Variants in LTBP1 observed in about 807,000 individuals in gnomAD.
LTBP1 encodes latent-transforming growth factor beta-binding protein 1.
A neutral mutation model predicts 207.6 loss-of-function variants in LTBP1; 129 were observed. The ratio of observed to expected loss-of-function variants is 0.62; its 90% CI spans 0.54 to 0.72. LTBP1 has a LOEUF of 0.72. Among genes scored for constraint, LTBP1 ranks in the 30% least tolerant of loss-of-function variants. The pLI is 0.00. For synonymous variants in LTBP1, 963 were observed against 833.7 expected (o/e 1.16, Z -2.67); for missense variants, 2,281 against 2,217.2 (o/e 1.03, Z -0.58).
intron 2 of LTBP1, among the ~76,000 whole-genome samples, chr2:32,996,019 T>C (rs139026197): frequency 9.2e-5 from 14 of 152,324 alleles, no homozygotes; most frequent in Middle Eastern, 3.4e-3. Context: ...CCTATACATA[T>C]CGATATGTGT....
intron 7 of LTBP1, among the ~76,000 whole-genome samples, chr2:33,214,970 G>A (rs1444300948): frequency 6.6e-6 from 1 of 151,726 alleles, no homozygotes; most frequent in Non-Finnish European, 1.5e-5. Context: ...ATTTTGTCTC[G>A]TAGGGTCGTT....
intron 2 of LTBP1, among the ~76,000 whole-genome samples, chr2:32,973,509 C>T (rs1412415368): frequency 6.6e-6 from 1 of 151,900 alleles, no homozygotes; most frequent in Non-Finnish European, 1.5e-5. Flanking sequence ...ATGATATAGG[C>T]ATGCAATGCC....
intron 31 of LTBP1, among the ~76,000 whole-genome samples, chr2:33,387,099 C>G (rs1025745557): frequency 4.6e-5 from 7 of 152,214 alleles, no homozygotes; most frequent in South Asian, 2.1e-4. Context: ...CATGAGCCAC[C>G]ATGCCCGGCC....
chr2:33,218,780 A>G (rs2090899361), intron 8 of LTBP1, among the ~76,000 whole-genome samples: 1 of 152,206 alleles, frequency 6.6e-6, no homozygotes, highest in African/African-American at 2.4e-5. Context: ...CAAGAGAGCA[A>G]GTGATATTTT....
chr2:33,346,530 A>G (rs908561425), intron 25 of LTBP1, among the ~76,000 whole-genome samples: 1 of 151,970 alleles, frequency 6.6e-6, no homozygotes, highest in Non-Finnish European at 1.5e-5. Flanking sequence ...CTAAAAATAC[A>G]AAAATTAGCC....
At chr2:33,031,446 A>C (rs1169102855) in intron 3 of LTBP1, among the ~76,000 whole-genome samples, 1 of 152,144 alleles carries the variant, frequency 6.6e-6, no homozygotes, top group African/African-American at 2.4e-5. Context: ...CCACATACCA[A>C]CTACTGTTCT....
At chr2:33,345,113 G>A (rs540139862) in intron 25 of LTBP1, among the ~76,000 whole-genome samples, 12 of 152,338 alleles carry the variant, frequency 7.9e-5, no homozygotes, top group Non-Finnish European at 1.6e-4. Context: ...CACACTGGGT[G>A]TTCTGTAGAG....
intron 3 of LTBP1, 48 bp from the exon 4 acceptor site, chr2:33,110,534 T>G: frequency 6.4e-7 from 1 of 1,551,102 alleles, no homozygotes. Flanking sequence ...TAGCTGACTT[T>G]TAAAAGCCCA....
At chr2:33,259,700 TA>T in intron 13 of LTBP1, 90 bp downstream of exon 13, 3 of 1,213,446 alleles carry the variant, frequency 2.5e-6, no homozygotes, top group Non-Finnish European at 3.5e-6. Flanking sequence ...GACTTAAATA[TA>T]GTAACATCTC....
chr2:33,167,147 T>A (rs2084991431), intron 5 of LTBP1, among the ~76,000 whole-genome samples: 1 of 152,086 alleles, frequency 6.6e-6, no homozygotes, highest in South Asian at 2.1e-4. Context: ...GATTAAAAAG[T>A]GAGTGCCAAA....
chr2:33,290,615 A>G (rs2093755482), intron 19 of LTBP1, among the ~76,000 whole-genome samples: 1 of 152,246 alleles, frequency 6.6e-6, no homozygotes, highest in Admixed American at 6.5e-5. Flanking sequence ...GTGAGAAAGA[A>G]TGAAAGTAGG....
intron 14 of LTBP1, among the ~76,000 whole-genome samples, 171 bp from the exon 15 acceptor site, chr2:33,263,123 A>G (rs2093066074): frequency 6.6e-6 from 1 of 152,128 alleles, no homozygotes; most frequent in African/African-American, 2.4e-5. Context: ...CATCACTCTC[A>G]GATATTCTTG....
chr2:33,155,956 C>T (rs773185711), intron 5 of LTBP1, among the ~76,000 whole-genome samples: 1 of 152,138 alleles, frequency 6.6e-6, no homozygotes, highest in Non-Finnish European at 1.5e-5. Flanking sequence ...CAAGGGAAAC[C>T]AGAGTAAGCC....
At chr2:33,020,865 C>T (rs1558523235) in intron 2 of LTBP1, 44 bp from the exon 3 acceptor site, 4 of 1,515,112 alleles carry the variant, frequency 2.6e-6, no homozygotes, top group Non-Finnish European at 3.5e-6. Flanking sequence ...AGGAAGTCTA[C>T]AATGTTGTTC....
chr2:33,295,214 A>G (rs913763362), intron 20 of LTBP1, among the ~76,000 whole-genome samples: 1 of 152,052 alleles, frequency 6.6e-6, no homozygotes, highest in African/African-American at 2.4e-5. Flanking sequence ...TGTTTAATCA[A>G]TGTATACGAA....
intron 5 of LTBP1, among the ~76,000 whole-genome samples, chr2:33,185,453 C>G (rs1447187320): frequency 6.6e-6 from 1 of 152,140 alleles, no homozygotes; most frequent in Admixed American, 6.5e-5. Context: ...CGGAAGAAAG[C>G]TTTGACCAGA....
intron 22 of LTBP1, among the ~76,000 whole-genome samples, chr2:33,304,463 G>C (rs1573731996): frequency 6.6e-6 from 1 of 152,130 alleles, no homozygotes; most frequent in African/African-American, 2.4e-5. Flanking sequence ...CAAAGACCTT[G>C]TTTTCTTATT....
intron 2 of LTBP1, among the ~76,000 whole-genome samples, chr2:32,989,739 A>G (rs1396410509): frequency 1.3e-5 from 2 of 152,218 alleles, no homozygotes; most frequent in Admixed American, 6.5e-5. Context: ...TTGAAAGATC[A>G]AATAGTGTAA....
At chr2:33,285,111 G>A (rs1037646062) in intron 19 of LTBP1, among the ~76,000 whole-genome samples, 7 of 145,646 alleles carry the variant, frequency 4.8e-5, no homozygotes, top group Admixed American at 1.4e-4. Flanking sequence ...GCGTGATCTC[G>A]GCTCACTGCA....
Sources: allele counts gnomAD v4.1 joint callset (sites outside exome capture counted in the v4.1 genomes callset), GRCh38; gene constraint gnomAD v4.1.1; transcripts MANE v1.5; gene names NCBI Gene and HGNC (gene_info 2026-07-23, HGNC 2026-07-21).